The following SYTL3 variants were observed in gnomAD, a reference collection of about 807,000 sequenced individuals.
The protein encoded by SYTL3 is synaptotagmin like 3, also known as synaptotagmin-like protein 3.
Under a neutral mutation model 82.1 loss-of-function variants are expected in SYTL3, and 88 were observed. That is an observed-to-expected ratio of 1.07 (90% CI 0.90 to 1.28). The LOEUF is 1.28. Among genes scored for constraint, SYTL3 ranks in the 50% most tolerant of loss-of-function variants. SYTL3 has a pLI of 0.00. For missense variants in SYTL3, 831 were observed against 757.6 expected, an observed-to-expected ratio of 1.10 and a Z score of -1.14; for synonymous variants, 311 against 289.4, an observed-to-expected ratio of 1.07 and a Z score of -0.76.
At chr6:158,750,090 A>G (rs1204080845) in intron 12 of SYTL3, among the ~76,000 whole-genome samples, 1 of 152,238 alleles carries the variant, frequency 6.6e-6, no homozygotes, top group African/African-American at 2.4e-5. Context: ...CGGCAGTTAC[A>G]GCAACATAGA....
At chr6:158,722,762 GTTTTTT>G (rs34189391) in intron 10 of SYTL3, among the ~76,000 whole-genome samples, 6 of 80,878 alleles carry the variant, frequency 7.4e-5, no homozygotes, top group South Asian at 5.5e-4. Context: ...TCTCTTTTCT[GTTTTTT>G]TTTTTTTTTT....
At chr6:158,671,260 GATTA>G (rs1338195786) in intron 5 of SYTL3, among the ~76,000 whole-genome samples, 6 of 152,196 alleles carry the variant, frequency 3.9e-5, no homozygotes, top group African/African-American at 7.2e-5. Flanking sequence ...GTCAGCACTT[GATTA>G]GTTAGGGAAA....
intron 10 of SYTL3, among the ~76,000 whole-genome samples, chr6:158,719,647 G>A (rs897669975): frequency 1.3e-5 from 2 of 152,188 alleles, no homozygotes; most frequent in African/African-American, 2.4e-5. Context: ...AACTCCCTCC[G>A]GGGATCACTC....
At chr6:158,757,122 G>A in intron 13 of SYTL3, 89 bp from the exon 14 acceptor site, 1 of 1,338,750 alleles carries the variant, frequency 7.5e-7, no homozygotes, top group Non-Finnish European at 1.0e-6. Flanking sequence ...CCCGGGAAGT[G>A]GGGCCCTGGA....
At chr6:158,689,024 G>A (rs1447366491) in intron 6 of SYTL3, among the ~76,000 whole-genome samples, 1 of 152,190 alleles carries the variant, frequency 6.6e-6, no homozygotes, top group South Asian at 2.1e-4. Context: ...TTTCTGATGA[G>A]TGTATCTCAC....
intron 5 of SYTL3, among the ~76,000 whole-genome samples, chr6:158,670,866 G>A (rs1250232980): frequency 6.6e-6 from 1 of 151,284 alleles, no homozygotes; most frequent in Admixed American, 6.6e-5. Flanking sequence ...GCAGTGGCAT[G>A]ATCTCGGCTC....
chr6:158,693,844 C>CTTTTACTTTTTTTTTT lies in SYTL3; in HGVS notation c.394+10859_394+10860insACTTTTTTTTTTTTTT, dbSNP rs763990639. Among the ~76,000 whole-genome samples the CTTTTACTTTTTTTTTT allele has an allele frequency of 5.6e-3, 312 of 55,536 alleles. 15 individuals carry two copies. Among genetic ancestry groups the CTTTTACTTTTTTTTTT allele is most frequent in the Middle Eastern group, 8.6e-3 (1 of 116 alleles). The allele number at this position is 55,536 out of a possible 152,430, so 36.4% of individuals were successfully genotyped here. ...AGGTGTGCCACTGCATCCAGCCTTT[C>CTTTTACTTTTTTTTTT]TTTTTCTTTTCTTTTTTTTTTTTTT... On this transcript the variant is annotated intron_variant, in intron 6 of 17. Transcript: ENST00000611299.
intron 11 of SYTL3, among the ~76,000 whole-genome samples, chr6:158,730,345 C>G (rs1785244078): frequency 6.6e-6 from 1 of 152,254 alleles, no homozygotes; most frequent in South Asian, 2.1e-4. Context: ...ATTGTTCCAT[C>G]TGTAAGGAGC....
chr6:158,744,252 C>G (rs566256246), intron 11 of SYTL3, among the ~76,000 whole-genome samples: 1 of 149,940 alleles, frequency 6.7e-6, no homozygotes, highest in Admixed American at 6.7e-5. Context: ...TTATCTTTCC[C>G]TTGTGGTTCT....
At chr6:158,693,559 A>G (rs928647753) in intron 6 of SYTL3, among the ~76,000 whole-genome samples, 2 of 152,058 alleles carry the variant, frequency 1.3e-5, no homozygotes, top group African/African-American at 4.8e-5. Flanking sequence ...TGACTTTTGC[A>G]TTTTTAGTAG....
At chr6:158,726,342 C>G (rs892613507) in intron 11 of SYTL3, 9 of 358,784 alleles carry the variant, frequency 2.5e-5, no homozygotes, top group African/African-American at 2.0e-4. Context: ...CAAGATGTCC[C>G]CTGCATGAAC....
intron 8 of SYTL3, among the ~76,000 whole-genome samples, chr6:158,712,990 G>T (rs1782930712): frequency 6.6e-6 from 1 of 152,004 alleles, no homozygotes; most frequent in Admixed American, 6.6e-5. Context: ...TCGATCTCCT[G>T]ACCTCGTGAT....
At chr6:158,674,902 C>T (rs1434798142) in intron 5 of SYTL3, among the ~76,000 whole-genome samples, 1 of 151,042 alleles carries the variant, frequency 6.6e-6, no homozygotes, top group African/African-American at 2.4e-5. Context: ...TCCCTGTTGT[C>T]TCCCCTCCCA....
At chr6:158,713,697 A>C in intron 8 of SYTL3, 103 bp from the exon 9 acceptor site, 1 of 816,242 alleles carries the variant, frequency 1.2e-6, no homozygotes, top group Non-Finnish European at 2.1e-6. Context: ...TCACTCGCAC[A>C]CACCCACATG....
chr6:158,695,265 A>G (rs993437224), intron 6 of SYTL3, among the ~76,000 whole-genome samples: 5 of 152,224 alleles, frequency 3.3e-5, no homozygotes, highest in African/African-American at 1.2e-4. Context: ...AAATACAACA[A>G]CGTTTTCATG....
At chr6:158,715,639 A>AT (rs1554257152) in intron 9 of SYTL3, among the ~76,000 whole-genome samples, 178 of 93,024 alleles carry the variant, frequency 1.9e-3, no homozygotes, top group African/African-American at 7.7e-3. Flanking sequence ...CACCCCCCAT[A>AT]CCCCCCCACC....
intron 6 of SYTL3, among the ~76,000 whole-genome samples, chr6:158,702,326 CAAAA>C (rs1193990568): frequency 4.2e-5 from 3 of 70,652 alleles, no homozygotes; most frequent in Non-Finnish European, 6.0e-5. Flanking sequence ...GACTCTGTCT[CAAAA>C]AAAAAAAAAA....
intron 6 of SYTL3, among the ~76,000 whole-genome samples, chr6:158,685,451 G>T (rs895669398): frequency 1.3e-5 from 2 of 151,910 alleles, no homozygotes; most frequent in Non-Finnish European, 2.9e-5. Flanking sequence ...CAAGTGATCT[G>T]CCCACCTTGG....
intron 2 of SYTL3, among the ~76,000 whole-genome samples, chr6:158,654,677 A>T (rs2128348998): frequency 6.6e-6 from 1 of 152,202 alleles, no homozygotes; most frequent in South Asian, 2.1e-4. Context: ...TGAAGCAGGG[A>T]TGGCTCCATG....
Sources: gnomAD v4.1 joint callset for allele counts (sites outside exome capture counted in the v4.1 genomes callset) on GRCh38, gnomAD v4.1.1 for gene constraint, MANE v1.5 for transcripts, NCBI Gene and HGNC (gene_info 2026-07-23, HGNC 2026-07-21) for gene names.